The following FYB1 variants were observed in gnomAD, a reference collection of about 807,000 sequenced individuals.
The protein encoded by FYB1 is FYN-binding protein 1.
FYB1 carries 41 observed loss-of-function variants against 94.1 expected under a neutral mutation model. That is an observed-to-expected ratio of 0.44 (90% CI 0.34 to 0.57). FYB1 has a LOEUF of 0.57. Ranked by LOEUF, FYB1 falls within the 20% of genes least tolerant of loss-of-function variation. FYB1 has a pLI of 0.02. For missense variants in FYB1, 1,050 were observed against 976.8 expected, an observed-to-expected ratio of 1.07 and a Z score of -1.00; for synonymous variants, 367 against 353.2, an observed-to-expected ratio of 1.04 and a Z score of -0.44.
chr5:39,148,154 TTTATATATATATATATA>T (rs1324030965), intron 3 of FYB1, among the ~76,000 whole-genome samples: 4 of 41,924 alleles, frequency 9.5e-5, no homozygotes, highest in African/African-American at 3.9e-4. Flanking sequence ...ATATGTATTT[TTTATATATATATATATA>T]TATATATATA....
At chr5:39,173,594 T>A (rs1745448887) in intron 2 of FYB1, among the ~76,000 whole-genome samples, 1 of 152,226 alleles carries the variant, frequency 6.6e-6, no homozygotes, top group Non-Finnish European at 1.5e-5. Context: ...TTTAAATCTT[T>A]AACCCACTTG....
intron 14 of FYB1, among the ~76,000 whole-genome samples, chr5:39,121,095 G>T (rs1740049308): frequency 6.6e-6 from 1 of 150,732 alleles, no homozygotes; most frequent in African/African-American, 2.4e-5. Context: ...AGTTAGCTGG[G>T]GTTTATTTTG....
chr5:39,227,075 A>G (rs1750505115), intron 1 of FYB1, among the ~76,000 whole-genome samples: 1 of 152,226 alleles, frequency 6.6e-6, no homozygotes, highest in Middle Eastern at 3.2e-3. Flanking sequence ...TTTTTGTTGC[A>G]TCTCTGTGTG....
intron 1 of FYB1, among the ~76,000 whole-genome samples, chr5:39,246,828 A>C (rs1244373731): frequency 2.0e-5 from 3 of 152,048 alleles, no homozygotes; most frequent in Non-Finnish European, 4.4e-5. Flanking sequence ...AGCAGAATGG[A>C]AACAGCATCA....
intron 9 of FYB1, 59 bp downstream of exon 9, chr5:39,134,149 T>A: frequency 1.5e-6 from 2 of 1,345,536 alleles, no homozygotes; most frequent in South Asian, 1.5e-5. Flanking sequence ...GATCTTAATA[T>A]ACAAAATTTC....
At chr5:39,234,208 G>A (rs1431788490) in intron 1 of FYB1, among the ~76,000 whole-genome samples, 1 of 152,092 alleles carries the variant, frequency 6.6e-6, no homozygotes, top group Admixed American at 6.6e-5. Flanking sequence ...TATGAGAAAA[G>A]GTCATTCATC....
At chr5:39,135,098 C>T in intron 7 of FYB1, 84 bp from the exon 8 acceptor site, 1 of 1,418,718 alleles carries the variant, frequency 7.0e-7, no homozygotes, top group Non-Finnish European at 9.7e-7. Context: ...AGATATAAGT[C>T]TACAACTTGC....
At chr5:39,261,205 G>A (rs1182865966) in intron 1 of FYB1, among the ~76,000 whole-genome samples, 1 of 151,658 alleles carries the variant, frequency 6.6e-6, no homozygotes, top group Non-Finnish European at 1.5e-5. Flanking sequence ...AGGGAACATA[G>A]AGGATGGGTC....
intron 13 of FYB1, among the ~76,000 whole-genome samples, chr5:39,122,633 T>C (rs1285716789): frequency 6.6e-6 from 1 of 152,056 alleles, no homozygotes; most frequent in East Asian, 1.9e-4. Flanking sequence ...ATAATGATAA[T>C]CATCGTTATC....
At chr5:39,130,423 TC>T (rs1383236770) in intron 10 of FYB1, among the ~76,000 whole-genome samples, 166 bp downstream of exon 10, 1 of 152,074 alleles carries the variant, frequency 6.6e-6, no homozygotes, top group African/African-American at 2.4e-5. Context: ...CTCGAAATGT[TC>T]TCAACACATA....
At chr5:39,157,187 T>A (rs113167817) in intron 2 of FYB1, among the ~76,000 whole-genome samples, 171 of 152,328 alleles carry the variant, frequency 1.1e-3, no homozygotes, top group African/African-American at 4.0e-3. Flanking sequence ...CATTTTTTTT[T>A]ATGATGTCTA....
At chr5:39,211,855 G>A (rs972406561) in intron 1 of FYB1, among the ~76,000 whole-genome samples, 10 of 152,180 alleles carry the variant, frequency 6.6e-5, no homozygotes, top group African/African-American at 2.4e-4. Context: ...TCAACATGAT[G>A]TTAGAAACTG....
chr5:39,156,394 G>A (rs1357152849), intron 2 of FYB1, among the ~76,000 whole-genome samples: 1 of 152,192 alleles, frequency 6.6e-6, no homozygotes, highest in Non-Finnish European at 1.5e-5. Context: ...CAGCAGTCTT[G>A]CCACTGCCAG....
rs1358830661 is a variant in FYB1 at position 39,108,231 on chromosome 5, C to T, written c.2467G>A (p.Gly823Ser). The T allele has an allele frequency of 1.3e-5, 20 of 1,525,328 alleles. No homozygotes were observed. The highest frequency in any genetic ancestry group is 1.8e-5 in the Non-Finnish European group (20 of 1,126,802). The allele number at this position is 1,525,328 out of a possible 1,614,324, so 94.5% of individuals were successfully genotyped here. The change falls in exon 18 of 19, where the codon GGC (glycine) becomes AGC (serine). Residue 823 changes from glycine (G) to serine (S), a missense_variant and splice_region_variant. Gly to Ser is a moderately conservative substitution (Grantham distance 56). Transcript: ENST00000512982. Reference sequence around the variant, plus strand: ...TAGGGTGGTACTACATAAGACTTACCATCAGCAATATCATCATAGATCTCT... The same window carrying T: ...TAGGGTGGTACTACATAAGACTTACTATCAGCAATATCATCATAGATCTCT... Reference protein sequence around the residue: ...DGEIYDDIADGCIYDND With the variant: ...DGEIYDDIADSCIYDND
chr5:39,242,212 C>T (rs10473133), intron 1 of FYB1, among the ~76,000 whole-genome samples: 7,326 of 151,780 alleles, frequency 0.048, 447 homozygotes, highest in African/African-American at 0.14. Context: ...CATATGTATA[C>T]ATGTGCCATG....
chr5:39,196,910 G>C (rs1579640731), intron 2 of FYB1, among the ~76,000 whole-genome samples: 1 of 152,326 alleles, frequency 6.6e-6, no homozygotes, highest in African/African-American at 2.4e-5. Context: ...TTCATGGCTT[G>C]AGAGGAATAA....
rs1027921945 is a variant in FYB1 at position 39,122,491 on chromosome 5, C to A, written c.2072-89G>T. 3 of 769,238 alleles carry A rather than the reference C, an allele frequency of 3.9e-6. No individual in the cohort carries two copies. In the African/African-American group the frequency reaches 5.4e-5, roughly 14 times the overall value. 47.7% of individuals were successfully genotyped at this position (769,238 alleles called of 1,614,324 possible). A position where few individuals can be genotyped will look rare whatever the true frequency, so the allele number is the denominator to read the frequency against. On this transcript the variant is annotated intron_variant, in intron 13 of 18. Coordinates refer to ENST00000512982, the MANE Select transcript of FYB1 (RefSeq NM_001465.6). ...AATGATGTTTTTAATATAAAGATTG[C>A]TTCAAGGACAATAAAATAAGTTGTC... is the stretch of plus-strand genomic sequence containing the variant.
intron 7 of FYB1, among the ~76,000 whole-genome samples, chr5:39,136,255 G>T (rs1338052417): frequency 6.6e-6 from 1 of 151,768 alleles, no homozygotes; most frequent in East Asian, 1.9e-4. Flanking sequence ...ATTTTTAGTA[G>T]ATACTGAGTT....
intron 1 of FYB1, among the ~76,000 whole-genome samples, chr5:39,204,188 A>G (rs1228603899): frequency 1.3e-5 from 2 of 152,206 alleles, no homozygotes; most frequent in Non-Finnish European, 2.9e-5. Context: ...TGCACACTTC[A>G]GGTGCTTCTA....
Sources: gnomAD v4.1 joint callset for allele counts (sites outside exome capture counted in the v4.1 genomes callset) on GRCh38, gnomAD v4.1.1 for gene constraint, MANE v1.5 for transcripts, NCBI Gene and HGNC (gene_info 2026-07-23, HGNC 2026-07-21) for gene names.